The following CFAP61 variants were observed in gnomAD, a reference collection of about 807,000 sequenced individuals.
The protein encoded by CFAP61 is cilia- and flagella-associated protein 61.
In CFAP61, 107 loss-of-function variants were observed where a neutral mutation model predicts 135.6. That is an observed-to-expected ratio of 0.79 (90% CI 0.67 to 0.93). CFAP61 has a LOEUF of 0.93. CFAP61 is among the 40% of genes least tolerant of loss of function. CFAP61 has a pLI of 0.00. For missense variants in CFAP61, 1,507 were observed against 1,556.2 expected (o/e 0.97, Z 0.53); for synonymous variants, 575 against 578.5 (o/e 0.99, Z 0.09).
At chr20:20,118,253 G>GTTTGTTTC (rs1555872842) in intron 8 of CFAP61, among the ~76,000 whole-genome samples, 17 of 138,532 alleles carry the variant, frequency 1.2e-4, no homozygotes, top group African/African-American at 4.1e-4. Context: ...TTTGAGGTAT[G>GTTTGTTTC]TTTCTTTCTT....
intron 26 of CFAP61, among the ~76,000 whole-genome samples, chr20:20,353,491 G>A (rs1160772331): frequency 6.6e-6 from 1 of 152,142 alleles, no homozygotes. Flanking sequence ...ACTTGTTTAT[G>A]TTAATCTTTC....
chr20:20,208,837 A>T (rs4814963), intron 17 of CFAP61, among the ~76,000 whole-genome samples: 2 of 152,198 alleles, frequency 1.3e-5, no homozygotes, highest in African/African-American at 4.8e-5. Flanking sequence ...ACATCCATCC[A>T]CTGTGTCTAG....
At chr20:20,066,379 T>C (rs2045264405) in intron 2 of CFAP61, among the ~76,000 whole-genome samples, 1 of 152,220 alleles carries the variant, frequency 6.6e-6, no homozygotes, top group South Asian at 2.1e-4. Context: ...CATGCACACG[T>C]ATGCTTATTG....
intron 22 of CFAP61, among the ~76,000 whole-genome samples, chr20:20,279,748 G>C (rs1007871721): frequency 6.6e-6 from 1 of 152,168 alleles, no homozygotes; most frequent in Non-Finnish European, 1.5e-5. Context: ...ACATTGGCTT[G>C]TTTGCTGTTA....
intron 17 of CFAP61, 33 bp downstream of exon 17, chr20:20,199,935 G>T (rs2056522534): frequency 1.2e-6 from 2 of 1,610,392 alleles, no homozygotes; most frequent in Admixed American, 1.7e-5. Context: ...GGGCGGCGCG[G>T]TGCCAGCTCC....
intron 3 of CFAP61, among the ~76,000 whole-genome samples, chr20:20,071,367 C>T (rs2045696662): frequency 6.6e-6 from 1 of 152,182 alleles, no homozygotes; most frequent in Non-Finnish European, 1.5e-5. Context: ...ACACAATTGC[C>T]CTTGTAATCA....
chr20:20,312,405 C>T (rs6112860), intron 25 of CFAP61, among the ~76,000 whole-genome samples: 2 of 152,004 alleles, frequency 1.3e-5, no homozygotes, highest in Non-Finnish European at 2.9e-5. Context: ...GCAGATTAGA[C>T]CTCGCTGGGA....
At chr20:20,189,150 C>T (rs2146869845) in intron 14 of CFAP61, among the ~76,000 whole-genome samples, 1 of 152,262 alleles carries the variant, frequency 6.6e-6, no homozygotes, top group East Asian at 1.9e-4. Flanking sequence ...TTTAAGTCAT[C>T]AGGAGGGAGA....
intron 25 of CFAP61, among the ~76,000 whole-genome samples, chr20:20,314,537 T>A (rs958886873): frequency 2.9e-4 from 44 of 150,970 alleles, no homozygotes; most frequent in African/African-American, 1.0e-3. Flanking sequence ...ATTATTTATT[T>A]TTTTTATTAT....
chr20:20,071,667 C>G (rs1267044169), intron 3 of CFAP61, among the ~76,000 whole-genome samples: 1 of 152,160 alleles, frequency 6.6e-6, no homozygotes, highest in Non-Finnish European at 1.5e-5. Context: ...TGCAGCATGT[C>G]CCCAGAGCCC....
Position 20,052,822 on chromosome 20 carries a change from C to T in CFAP61, c.-37+231C>T. ...CATTCCCAGCATGCGACGGGGCGAGCTGCCGCCCTTTTAGGCTGCAATGCC... is the reference window on the plus strand; with the variant it reads ...CATTCCCAGCATGCGACGGGGCGAGTTGCCGCCCTTTTAGGCTGCAATGCC... On this transcript the variant is annotated intron_variant, in intron 1 of 26. Coordinates refer to ENST00000245957, the MANE Select transcript of CFAP61 (RefSeq NM_015585.4). 3.3e-6 allele frequency: 4 copies of T among 1,222,754 alleles called. No homozygotes were observed. In the Admixed American group the frequency reaches 8.1e-5, roughly 25 times the overall value. The allele number at this position is 1,222,754 out of a possible 1,614,324, so 75.7% of individuals were successfully genotyped here.
intron 25 of CFAP61, among the ~76,000 whole-genome samples, chr20:20,337,895 G>A (rs1322474162): frequency 1.3e-5 from 2 of 152,276 alleles, no homozygotes; most frequent in South Asian, 2.1e-4. Context: ...GACGAACCAC[G>A]GAGGCCATCC....
At chr20:20,090,790 T>C (rs1249544661) in intron 6 of CFAP61, 54 bp from the exon 7 acceptor site, 1 of 1,598,628 alleles carries the variant, frequency 6.3e-7, no homozygotes, top group Non-Finnish European at 8.5e-7. Context: ...GGTGCCCTGT[T>C]GAAGGAAAAA....
At chr20:20,297,706 A>G (rs1019426301) in intron 24 of CFAP61, among the ~76,000 whole-genome samples, 1 of 152,234 alleles carries the variant, frequency 6.6e-6, no homozygotes, top group African/African-American at 2.4e-5. Flanking sequence ...GACCTTGCCC[A>G]ATCCCCGCCA....
intron 9 of CFAP61, among the ~76,000 whole-genome samples, chr20:20,150,644 G>GAGCC (rs1408644479): frequency 6.6e-6 from 1 of 152,102 alleles, no homozygotes; most frequent in African/African-American, 2.4e-5. Flanking sequence ...GACTCTCACA[G>GAGCC]AGCCTACTTC....
intron 9 of CFAP61, among the ~76,000 whole-genome samples, chr20:20,158,935 A>T (rs1361370969): frequency 1.3e-5 from 2 of 152,244 alleles, no homozygotes; most frequent in African/African-American, 4.8e-5. Flanking sequence ...CTTTTGGTGC[A>T]CAAATAATTG....
At chr20:20,149,611 G>A (rs1241109207) in intron 9 of CFAP61, among the ~76,000 whole-genome samples, 2 of 152,158 alleles carry the variant, frequency 1.3e-5, no homozygotes, top group East Asian at 3.9e-4. Flanking sequence ...ACAGGAGAAA[G>A]ATTTAACCTT....
rs1021844507 is a variant in CFAP61 at position 20,228,495 on chromosome 20, G to C, written c.2060+119G>C. On this transcript the variant is annotated intron_variant, in intron 18 of 26. Transcript: ENST00000245957. ...GATTGTTTGGTACTCCACACACCCTGCCTATGTGGATGGATGAATCAGTAG... is the reference window on the plus strand; with the variant it reads ...GATTGTTTGGTACTCCACACACCCTCCCTATGTGGATGGATGAATCAGTAG... 32 of 785,508 alleles carry C rather than the reference G, an allele frequency of 4.1e-5. No individual in the cohort carries two copies. In the African/African-American group the frequency reaches 5.3e-4, roughly 13 times the overall value. 48.7% of individuals were successfully genotyped at this position (785,508 alleles called of 1,614,324 possible).
chr20:20,214,938 T>G (rs1297709129), intron 17 of CFAP61: 2 of 152,252 alleles, frequency 1.3e-5, no homozygotes, highest in Non-Finnish European at 2.9e-5. Flanking sequence ...CTCATAAAAC[T>G]ACAGGGGCTT....
Sources: allele counts gnomAD v4.1 joint callset (sites outside exome capture counted in the v4.1 genomes callset), GRCh38; gene constraint gnomAD v4.1.1; transcripts MANE v1.5; gene names NCBI Gene and HGNC (gene_info 2026-07-23, HGNC 2026-07-21).